The following UNC13A variants were observed in gnomAD, a reference collection of about 807,000 sequenced individuals.
UNC13A encodes the protein unc-13 homolog A, also known as protein unc-13 homolog A.
A neutral mutation model predicts 219.7 loss-of-function variants in UNC13A; 61 were observed. The ratio of observed to expected loss-of-function variants is 0.28; its 90% CI spans 0.23 to 0.34. UNC13A has a LOEUF of 0.34. UNC13A is among the 10% of genes least tolerant of loss of function. The pLI, the probability that UNC13A is intolerant of heterozygous loss-of-function variation, is 1.00. For synonymous variants in UNC13A, 920 were observed against 884.6 expected (o/e 1.04, Z -0.71); for missense variants, 1,476 against 2,270.3 (o/e 0.65, Z 7.11).
chr19:17,648,371 A>G (rs1277775730), intron 16 of UNC13A, 60 bp downstream of exon 16: 2 of 955,740 alleles, frequency 2.1e-6, no homozygotes, highest in Non-Finnish European at 2.5e-6. Context: ...TTTCCCCGCC[A>G]TGCAAGCCCC....
chr19:17,606,062 C>T lies in UNC13A; in HGVS notation c.5104G>A (p.Ala1702Thr). The part of the protein sequence containing the change: ...RSAEEGGAAP[A>T]P ...TCGGCCGACCGCCCGCGCTAAGGCG[C>T]AGGCGCGGCACCGCCCTCCTCGGCG... The change falls in exon 44 of 44, where the codon GCG becomes ACG. Residue 1702 changes from alanine to threonine, a missense_variant. This residue lies in a region of UNC13A where 187 missense variants were observed against 172.3 expected (regional missense o/e 1.09). Coordinates refer to ENST00000519716, the MANE Select transcript of UNC13A (RefSeq NM_001080421.3). 6.4e-7 allele frequency: 1 copy of T among 1,564,014 alleles called. No homozygotes were observed. The highest frequency in any genetic ancestry group is 8.6e-7 in the Non-Finnish European group (1 of 1,159,658).
At position 17,623,702 on chromosome 19, in the gene UNC13A, G is replaced by A. The variant is rs1055226016; in HGVS notation, c.4198-155C>T. Among the ~76,000 whole-genome samples the A allele has an allele frequency of 4.6e-5, 7 of 152,028 alleles. No individual in the cohort carries two copies. The Middle Eastern group carries it at 0.01, about 222-fold the overall frequency. On this transcript the variant is annotated intron_variant, in intron 35 of 43. Coordinates refer to ENST00000519716, the MANE Select transcript of UNC13A (RefSeq NM_001080421.3). ...GAAGAGGTGGAAGGATGGGAAGTCC[G>A]AGCCTCCCCGACCATCGTCGCCCAT...
At position 17,609,993 on chromosome 19, in the gene UNC13A, C is replaced by T. The variant is rs372511263; in HGVS notation, c.4758G>A (p.Ala1586=). 10 of 1,613,998 alleles carry T rather than the reference C, an allele frequency of 6.2e-6. No homozygotes were observed. In the African/African-American group the frequency reaches 9.3e-5, roughly 15 times the overall value. Residue 1586 remains alanine, a synonymous_variant, in exon 43 of 44, where the codon GCG becomes GCA. Transcript: ENST00000519716. The stretch of plus-strand genomic sequence containing the variant: ...CCCAGCTATTGTTCTTGGATTTGGT[C>T]GCAAACTTGCGTTTCTTGTCGCTGA... ...PQLSDKKRKF[A]TKSKNNSWAP... is the part of the protein sequence containing the mutation.
intron 1 of UNC13A, among the ~76,000 whole-genome samples, chr19:17,685,974 TG>T (rs1308638546): frequency 1.3e-5 from 2 of 150,266 alleles, no homozygotes; most frequent in African/African-American, 4.9e-5. Flanking sequence ...CACCTCTCCC[TG>T]GGAGACTGGC....
intron 7 of UNC13A, among the ~76,000 whole-genome samples, chr19:17,665,483 T>C (rs1205048794): frequency 6.6e-6 from 1 of 152,158 alleles, no homozygotes; most frequent in Non-Finnish European, 1.5e-5. Context: ...AAGAGGAACG[T>C]GATCATCATC....
Position 17,630,223 on chromosome 19 carries a change from G to A in UNC13A, c.3591C>T (p.Asn1197=). The change falls in exon 30 of 44, where the codon AAC becomes AAT. Residue 1197 remains asparagine, a synonymous_variant. Coordinates refer to ENST00000519716, the MANE Select transcript of UNC13A (RefSeq NM_001080421.3). ...GTTTCTTGATGATTTCAAAGCTCTGGTTGAGTTGGGAGAAAACATCCACCA... is the reference window on the plus strand; with the variant it reads ...GTTTCTTGATGATTTCAAAGCTCTGATTGAGTTGGGAGAAAACATCCACCA... The part of the protein sequence containing the change: ...CSVVDVFSQL[N]QSFEIIKKLE... The A allele has an allele frequency of 1.3e-6, 2 of 1,555,040 alleles. No individual in the cohort carries two copies. Among genetic ancestry groups the A allele is most frequent in the Non-Finnish European group, 1.7e-6 (2 of 1,148,836 alleles).
chr19:17,646,830 C>T (rs2077032218), intron 17 of UNC13A, among the ~76,000 whole-genome samples: 1 of 152,212 alleles, frequency 6.6e-6, no homozygotes, highest in Non-Finnish European at 1.5e-5. Context: ...ATCCTCGCCC[C>T]TAAGTGGGGC....
intron 7 of UNC13A, 74 bp downstream of exon 7, chr19:17,666,576 G>C: frequency 8.3e-7 from 1 of 1,201,344 alleles, no homozygotes; most frequent in Non-Finnish European, 1.1e-6. Context: ...GGAGCCTTTA[G>C]ACAGGACAGT....
Position 17,639,855 on chromosome 19 carries a change from G to A in UNC13A, c.2841C>T (p.Asp947=), listed in dbSNP as rs766718729. ...CACTTCCTACCCGGTACATGGAGAG[G>A]TCAATCCGCAGGGAGTTATGCAGCT... The part of the protein sequence containing the change: ...LDQLHNSLRI[D]LSMYRNNFPA... Residue 947 remains aspartate, a synonymous_variant, in exon 23 of 44, where the codon GAC becomes GAT. Coordinates refer to ENST00000519716, the MANE Select transcript of UNC13A (RefSeq NM_001080421.3). 6.2e-7 allele frequency: 1 copy of A among 1,613,834 alleles called. No homozygotes were observed. Among genetic ancestry groups the A allele is most frequent in the East Asian group, 2.2e-5 (1 of 44,872 alleles).
chr19:17,654,308 A>G (rs2079410104), intron 11 of UNC13A, among the ~76,000 whole-genome samples: 1 of 151,986 alleles, frequency 6.6e-6, no homozygotes, highest in Non-Finnish European at 1.5e-5. Context: ...TATTTTTTCA[A>G]TTTAATTTCT....
intron 18 of UNC13A, 28 bp downstream of exon 18, chr19:17,645,942 G>A (rs762667973): frequency 1.2e-6 from 2 of 1,607,826 alleles, no homozygotes; most frequent in African/African-American, 1.3e-5. Context: ...TGCCCCACAT[G>A]GGGCCAGGGA....
Position 17,639,197 on chromosome 19 carries a change from C to T in UNC13A, c.2967G>A (p.Pro989=), listed in dbSNP as rs748376721. 6.3e-5 allele frequency: 102 copies of T among 1,613,850 alleles called. No individual in the cohort carries two copies. Among genetic ancestry groups the T allele is most frequent in the East Asian group, 1.6e-4 (7 of 44,872 alleles). Reference sequence around the variant, plus strand: ...CCTTTACCACCTGGCTGGCTCGGGGCGGGCTCTGGAGTTCTTGTACCTGAA... The same window carrying T: ...CCTTTACCACCTGGCTGGCTCGGGGTGGGCTCTGGAGTTCTTGTACCTGAA... ...FRMKVQELQS[P]PRASQVVKDC... The change falls in exon 25 of 44, where the codon CCG becomes CCA. Residue 989 remains proline (P), a synonymous_variant. Transcript: ENST00000519716.
intron 43 of UNC13A, among the ~76,000 whole-genome samples, chr19:17,608,093 C>G (rs2076554010): frequency 6.7e-6 from 1 of 149,708 alleles, no homozygotes; most frequent in African/African-American, 2.5e-5. Context: ...GTAGCCCAGG[C>G]TGGACTGCAG....
chr19:17,618,384 T>C lies in UNC13A; in HGVS notation c.4410+37A>G, dbSNP rs765685378. On this transcript the variant is annotated intron_variant, in intron 40 of 43. Coordinates refer to ENST00000519716, the MANE Select transcript of UNC13A (RefSeq NM_001080421.3). ...GACCACAGCAGCCACACCCTCTACA[T>C]CCCCCACCTGGGATGGGGAGGGGTA... 58 of 1,548,902 alleles carry C rather than the reference T, an allele frequency of 3.7e-5. No homozygotes were observed. The East Asian group carries it at 1.3e-3, about 35-fold the overall frequency.
chr19:17,658,564 AG>A (rs1473311242), intron 8 of UNC13A, among the ~76,000 whole-genome samples: 3 of 152,186 alleles, frequency 2.0e-5, no homozygotes, highest in African/African-American at 7.2e-5. Flanking sequence ...TCAAATGTGA[AG>A]AACAACTTTG....
At chr19:17,686,443 T>C (rs539590911) in intron 1 of UNC13A, among the ~76,000 whole-genome samples, 14 of 151,346 alleles carry the variant, frequency 9.3e-5, no homozygotes, top group African/African-American at 3.4e-4. Context: ...CGGAACCTCC[T>C]CCAGTGCCAC....
At position 17,605,341 on chromosome 19, in the gene UNC13A, G is replaced by C. The variant is rs904937982; in HGVS notation, c.*713C>G. On this transcript the variant is annotated 3_prime_UTR_variant, in exon 44 of 44. Coordinates refer to ENST00000519716, the MANE Select transcript of UNC13A (RefSeq NM_001080421.3). ...TTGAACTCTATGATATGAGGACTGG[G>C]TTTGTTGGGGGAGAGGGAGAGGCAA... 2.0e-5 allele frequency: 3 copies of C among 152,704 alleles called. No homozygotes were observed. The highest frequency in any genetic ancestry group is 2.0e-4 in the Admixed American group (3 of 15,292). The allele number at this position is 152,704 out of a possible 1,614,324, so 9.5% of individuals were successfully genotyped here. A position where few individuals can be genotyped will look rare whatever the true frequency, so the allele number is the denominator to read the frequency against.
At chr19:17,640,371 G>A in intron 22 of UNC13A, 140 bp downstream of exon 22, 1 of 1,192,534 alleles carries the variant, frequency 8.4e-7, no homozygotes, top group Non-Finnish European at 1.1e-6. Context: ...AGGAATAAAT[G>A]GAGGCTCAGA....
intron 39 of UNC13A, 75 bp from the exon 40 acceptor site, chr19:17,618,576 C>T: frequency 6.9e-7 from 1 of 1,450,076 alleles, no homozygotes; most frequent in South Asian, 1.2e-5. Flanking sequence ...GGGTCTCATC[C>T]CTGTTCAACT....
Sources: allele counts gnomAD v4.1 joint callset (sites outside exome capture counted in the v4.1 genomes callset), GRCh38; gene constraint gnomAD v4.1.1; regional missense constraint gnomAD v4.1.1; transcripts MANE v1.5; gene names NCBI Gene and HGNC (gene_info 2026-07-23, HGNC 2026-07-21).